TRAPPC9: variants seen among roughly 807,000 people sequenced by gnomAD.
TRAPPC9 encodes IKK2 binding protein.
TRAPPC9 carries 83 observed loss-of-function variants against 124.0 expected under a neutral mutation model. The ratio of observed to expected loss-of-function variants is 0.67; its 90% CI spans 0.56 to 0.80. The LOEUF (loss-of-function observed/expected upper bound fraction) is 0.80. Among genes scored for constraint, TRAPPC9 ranks in the 30% least tolerant of loss-of-function variants. The pLI is 0.00. For synonymous variants in TRAPPC9, 638 were observed against 617.5 expected (o/e 1.03, Z -0.49); for missense variants, 1,302 against 1,508.3 (o/e 0.86, Z 2.27).
chr8:139,762,364 G>A (rs1820296094), intron 21 of TRAPPC9, among the ~76,000 whole-genome samples: 1 of 152,172 alleles, frequency 6.6e-6, no homozygotes, highest in African/African-American at 2.4e-5. Context: ...GCTTAACACT[G>A]CGGATAGGTT....
chr8:140,127,297 A>G (rs577512376), intron 17 of TRAPPC9, among the ~76,000 whole-genome samples: 160 of 152,326 alleles, frequency 1.1e-3, no homozygotes, highest in African/African-American at 3.8e-3. Context: ...ATATTTATCC[A>G]CTGACTGAAC....
chr8:140,124,459 G>A (rs2061045176), intron 17 of TRAPPC9, among the ~76,000 whole-genome samples: 1 of 152,198 alleles, frequency 6.6e-6, no homozygotes, highest in Admixed American at 6.5e-5. Flanking sequence ...CCCTTCTCAA[G>A]GTCCTTAACT....
At chr8:140,330,264 T>C (rs979401196) in intron 9 of TRAPPC9, among the ~76,000 whole-genome samples, 1 of 152,004 alleles carries the variant, frequency 6.6e-6, no homozygotes, top group Non-Finnish European at 1.5e-5. Context: ...ATTCTGCATA[T>C]ACATCCAGGT....
chr8:139,986,533 G>A lies in TRAPPC9; in HGVS notation c.2810+2193C>T, dbSNP rs368778254. 6.7e-4 allele frequency among the ~76,000 whole-genome samples: 102 copies of A among 152,214 alleles called. 1 individual carries two copies. The South Asian group carries it at 0.021, about 31-fold the overall frequency. ...ACCCCCCATATGCCCATTAAGAGAC[G>A]CTACTGTTAACATTATACTATATTT... On this transcript the variant is annotated intron_variant, in intron 19 of 22. Coordinates refer to ENST00000438773, the MANE Select transcript of TRAPPC9 (RefSeq NM_001160372.4).
At chr8:140,052,176 A>C (rs1178556261) in intron 17 of TRAPPC9, among the ~76,000 whole-genome samples, 1 of 152,120 alleles carries the variant, frequency 6.6e-6, no homozygotes, top group East Asian at 1.9e-4. Flanking sequence ...CAAATAAAGA[A>C]CATCCAGAGG....
In TRAPPC9 at chr8:139,907,316, A is replaced by C. The variant is rs555302134; in HGVS notation, c.2964+2831T>G. 1.3e-5 allele frequency among the ~76,000 whole-genome samples: 2 copies of C among 152,290 alleles called. No homozygotes were observed. Among genetic ancestry groups the C allele is most frequent in the South Asian group, 4.1e-4 (2 of 4,820 alleles). On this transcript the variant is annotated intron_variant, in intron 20 of 22. Transcript: ENST00000438773. The surrounding 1 kb of genome is among the most constrained non-coding windows in gnomAD (Gnocchi z 4.7). ...TGCGCTACAGGTGGGCAACTGCTAC[A>C]ACTATGGACGGGTATCAAATTAAGC...
rs545552555 is a variant in TRAPPC9 at position 139,868,751 on chromosome 8, T to C, written c.3055+17128A>G. ...TTCTTCATCAAATATTTATTGCGCA[T>C]GTAATAGATGCTCTAAGGACAGTTC... On this transcript the variant is annotated intron_variant, in intron 21 of 22. Coordinates refer to ENST00000438773, the MANE Select transcript of TRAPPC9 (RefSeq NM_001160372.4). Among the ~76,000 whole-genome samples the C allele has an allele frequency of 3.9e-5, 6 of 152,346 alleles. No individual in the cohort carries two copies. The East Asian group carries it at 5.8e-4, about 15-fold the overall frequency.
Position 139,944,602 on chromosome 8 carries a change from C to T in TRAPPC9, c.2811-34302G>A, listed in dbSNP as rs188575323. Among the ~76,000 whole-genome samples the T allele has an allele frequency of 4.6e-5, 7 of 152,034 alleles. No individual in the cohort carries two copies. The East Asian group carries it at 1.4e-3, about 29-fold the overall frequency. On this transcript the variant is annotated intron_variant, in intron 19 of 22. Transcript: ENST00000438773. ...TAAAGAGGTATAGGTAAAAAGCTGA[C>T]AGATAAATTCATATGTGAATATGTA...
At chr8:139,837,078 C>T (rs377278352) in intron 21 of TRAPPC9, among the ~76,000 whole-genome samples, 1 of 152,072 alleles carries the variant, frequency 6.6e-6, no homozygotes, top group African/African-American at 2.4e-5. Context: ...GTCTATGCAC[C>T]GGTGGTGTTA....
At chr8:139,909,135 A>T (rs1563913957) in intron 20 of TRAPPC9, among the ~76,000 whole-genome samples, 1 of 152,080 alleles carries the variant, frequency 6.6e-6, no homozygotes, top group South Asian at 2.1e-4. Flanking sequence ...GCCATCTGGA[A>T]GGATCCCAGA....
At position 139,799,630 on chromosome 8, in the gene TRAPPC9, C is replaced by T. The variant is rs1586868279; in HGVS notation, c.3056-67428G>A. Among the ~76,000 whole-genome samples, 5 of 152,320 alleles carry T rather than the reference C, an allele frequency of 3.3e-5. No homozygotes were observed. In the South Asian group the frequency reaches 1.0e-3, roughly 32 times the overall value. The stretch of plus-strand genomic sequence containing the variant: ...GTATCCCCAATTCCACATCACCCCC[C>T]ATGAAAATTCCGTGCCCTGTCTCCA... On this transcript the variant is annotated intron_variant, in intron 21 of 22. Coordinates refer to ENST00000438773, the MANE Select transcript of TRAPPC9 (RefSeq NM_001160372.4).
chr8:139,743,878 C>T (rs1818716843), intron 21 of TRAPPC9, among the ~76,000 whole-genome samples: 1 of 152,178 alleles, frequency 6.6e-6, no homozygotes, highest in Non-Finnish European at 1.5e-5. Flanking sequence ...GCATGTTTTC[C>T]CTCTTTATTG....
intron 21 of TRAPPC9, among the ~76,000 whole-genome samples, chr8:139,819,930 C>T (rs1363752961): frequency 7.3e-5 from 11 of 149,858 alleles, no homozygotes; most frequent in Non-Finnish European, 1.6e-4. Context: ...GGAGAATCAC[C>T]CCGGGAGGCA....
intron 20 of TRAPPC9, among the ~76,000 whole-genome samples, chr8:139,901,229 C>G (rs1034234008): frequency 6.6e-6 from 1 of 152,102 alleles, no homozygotes; most frequent in African/African-American, 2.4e-5. Context: ...TTGCATCCCA[C>G]GCGCAAGCTC....
At chr8:140,011,126 G>C (rs1012364560) in intron 18 of TRAPPC9, among the ~76,000 whole-genome samples, 2 of 152,090 alleles carry the variant, frequency 1.3e-5, no homozygotes, top group African/African-American at 4.8e-5. Flanking sequence ...GGTCCCCTGA[G>C]GTCAGGAGTT....
At chr8:139,884,059 C>T (rs1829850351) in intron 21 of TRAPPC9, among the ~76,000 whole-genome samples, 1 of 152,180 alleles carries the variant, frequency 6.6e-6, no homozygotes, top group Non-Finnish European at 1.5e-5. Context: ...CCATGGCGAC[C>T]TCACACATTG....
At chr8:139,934,740 T>C (rs998434906) in intron 19 of TRAPPC9, among the ~76,000 whole-genome samples, 21 of 152,128 alleles carry the variant, frequency 1.4e-4, no homozygotes, top group Non-Finnish European at 5.9e-5. Flanking sequence ...AGTAGACACA[T>C]GGGGCCCAAT....
chr8:139,805,794 C>T (rs952693927), intron 21 of TRAPPC9, among the ~76,000 whole-genome samples: 15 of 151,906 alleles, frequency 9.9e-5, no homozygotes, highest in African/African-American at 2.4e-4. Context: ...TAAGTATAGA[C>T]GAAAATACAC....
intron 21 of TRAPPC9, among the ~76,000 whole-genome samples, chr8:139,810,349 T>C (rs887420033): frequency 6.6e-6 from 1 of 151,980 alleles, no homozygotes; most frequent in African/African-American, 2.4e-5. Context: ...GAGCAATGGG[T>C]GCAGAGTGGC....
Sources: allele counts gnomAD v4.1 joint callset (sites outside exome capture counted in the v4.1 genomes callset), GRCh38; gene constraint gnomAD v4.1.1; non-coding constraint Gnocchi (gnomAD v3.1); transcripts MANE v1.5; gene names NCBI Gene and HGNC (gene_info 2026-07-23, HGNC 2026-07-21).